Variants in ITPK1 observed in about 807,000 individuals in gnomAD.
ITPK1 encodes inositol-tetrakisphosphate 1-kinase, also known as inositol 1,3,4-trisphosphate 5/6-kinase.
Under a neutral mutation model 45.3 loss-of-function variants are expected in ITPK1, and 21 were observed. The observed-to-expected ratio is 0.46, with a 90% CI of 0.33 to 0.67. The LOEUF (loss-of-function observed/expected upper bound fraction) is 0.67, where lower values mean the gene tolerates loss of function less well. Among genes scored for constraint, ITPK1 ranks in the 30% least tolerant of loss-of-function variants. The pLI is 0.02. For synonymous variants in ITPK1, 258 were observed against 253.6 expected (o/e 1.02, Z -0.16); for missense variants, 474 against 573.5 (o/e 0.83, Z 1.77).
rs148299070 is a variant in ITPK1, at chr14:92,970,520, C to T, written c.365-7671G>A. Among the ~76,000 whole-genome samples the T allele has an allele frequency of 6.5e-3, 997 of 152,344 alleles. 13 individuals carry two copies. The highest frequency in any genetic ancestry group is 0.023 in the African/African-American group (946 of 41,584). The stretch of plus-strand genomic sequence containing the variant: ...TCAGTCCTGCTTCCTGGGCCACTCC[C>T]GGTTCCTAGGGGCCCATATTATATG... On this transcript the variant is annotated intron_variant, in intron 5 of 10. Transcript: ENST00000267615.
chr14:92,941,945 G>A (rs780145519), intron 10 of ITPK1, 41 bp from the exon 11 acceptor site: 3 of 1,568,852 alleles, frequency 1.9e-6, no homozygotes, highest in Admixed American at 3.5e-5. Context: ...CGTGAGCCAG[G>A]GGCACGCATC....
rs1422091857 is a variant in ITPK1, at chr14:93,076,526, G to T, written c.120+69C>A. The T allele has an allele frequency of 3.9e-6, 6 of 1,542,956 alleles. No homozygotes were observed. The Admixed American group carries it at 6.7e-5, about 17-fold the overall frequency. ...CGTGCCCAATGCTGGAGGAGAGAAGGAGAGACAGAGAGGTGGGCACCAAGG... is the reference window on the plus strand; with the variant it reads ...CGTGCCCAATGCTGGAGGAGAGAAGTAGAGACAGAGAGGTGGGCACCAAGG... On this transcript the variant is annotated intron_variant, in intron 3 of 10. Coordinates refer to ENST00000267615, the MANE Select transcript of ITPK1 (RefSeq NM_014216.6). The surrounding 1 kb of genome is among the most constrained non-coding windows in gnomAD (Gnocchi z 4.3).
In ITPK1 at chr14:93,102,310, G is replaced by T. The variant is rs141156084; in HGVS notation, c.95+12759C>A. ...GCGCCCAGGTCAAGGTGATAAAAAG[G>T]GTGCTTGGGAGCTGACTGTGCAGGA... On this transcript the variant is annotated intron_variant, in intron 2 of 10. Coordinates refer to ENST00000267615, the MANE Select transcript of ITPK1 (RefSeq NM_014216.6). Among the ~76,000 whole-genome samples the T allele has an allele frequency of 7.6e-3, 1,161 of 152,372 alleles. 17 individuals are homozygous for T. The highest frequency in any genetic ancestry group is 0.026 in the African/African-American group (1,097 of 41,588).
chr14:93,028,191 A>G (rs1189316612), intron 3 of ITPK1, among the ~76,000 whole-genome samples: 1 of 152,262 alleles, frequency 6.6e-6, no homozygotes, highest in Non-Finnish European at 1.5e-5. Context: ...GTTCAAGTGT[A>G]TGATGAACAG....
intron 5 of ITPK1, among the ~76,000 whole-genome samples, chr14:92,985,834 C>T (rs1326289245): frequency 1.3e-5 from 2 of 152,146 alleles, no homozygotes; most frequent in East Asian, 3.9e-4. Context: ...GCCAGGAGAG[C>T]TCCCATCTAT....
intron 5 of ITPK1, among the ~76,000 whole-genome samples, chr14:92,980,336 C>G (rs1886161045): frequency 6.6e-6 from 1 of 152,186 alleles, no homozygotes; most frequent in Admixed American, 6.5e-5. Flanking sequence ...ATGACAGAAA[C>G]TTCTCTGAAG....
At chr14:93,048,112 A>C (rs1889858527) in intron 3 of ITPK1, among the ~76,000 whole-genome samples, 1 of 152,202 alleles carries the variant, frequency 6.6e-6, no homozygotes, top group African/African-American at 2.4e-5. Flanking sequence ...ACATTTTCTC[A>C]TAACATGGTG....
At chr14:92,944,031 C>T (rs1455624271) in intron 10 of ITPK1, among the ~76,000 whole-genome samples, 2 of 152,342 alleles carry the variant, frequency 1.3e-5, no homozygotes, top group Non-Finnish European at 2.9e-5. Flanking sequence ...GAGATTCCAG[C>T]GGCCCTTTGC....
chr14:93,097,293 G>A (rs1892117316), intron 2 of ITPK1, among the ~76,000 whole-genome samples: 1 of 152,134 alleles, frequency 6.6e-6, no homozygotes, highest in Non-Finnish European at 1.5e-5. Context: ...GCTGGCCTTG[G>A]GTCTTGTTTT....
In ITPK1 at chr14:92,958,268, G is replaced by T. The variant is rs61729872; in HGVS notation, c.603C>A (p.Phe201Leu). ...CCACGGTGTAGGACTCGCCAACCACGAACACCTTGTACAGGACGGCGTTGT... is the reference window on the plus strand; with the variant it reads ...CCACGGTGTAGGACTCGCCAACCACTAACACCTTGTACAGGACGGCGTTGT... ...INHNAVLYKV[F>L]VVGESYTVVQ... Residue 201 changes from phenylalanine (F) to leucine (L), a missense_variant, in exon 8 of 11, where the codon TTC becomes TTA. By Grantham distance (22) the Phe-to-Leu change is conservative. Transcript: ENST00000267615. This position sits in a 1 kb window ranked among gnomAD's most constrained non-coding sequence, Gnocchi z 4.4. 6.2e-7 allele frequency: 1 copy of T among 1,613,756 alleles called. No homozygotes were observed.
At chr14:93,038,522 T>G (rs4900173) in intron 3 of ITPK1, among the ~76,000 whole-genome samples, 4,173 of 152,064 alleles carry the variant, frequency 0.027, 98 homozygotes, top group Admixed American at 0.085. Flanking sequence ...TATATGTGGG[T>G]TTTTGTTTGT....
intron 2 of ITPK1, among the ~76,000 whole-genome samples, chr14:93,112,095 T>C (rs990494696): frequency 1.3e-5 from 2 of 151,840 alleles, no homozygotes; most frequent in African/African-American, 2.4e-5. Flanking sequence ...GGCTCAGCTT[T>C]GCAAGGAATG....
intron 5 of ITPK1, among the ~76,000 whole-genome samples, chr14:92,987,713 G>A (rs1394647158): frequency 6.6e-6 from 1 of 152,172 alleles, no homozygotes; most frequent in Non-Finnish European, 1.5e-5. Flanking sequence ...CCCCCCATCT[G>A]TAAAGGGGGA....
chr14:93,112,845 G>C (rs1488167382), intron 2 of ITPK1, among the ~76,000 whole-genome samples: 1 of 152,162 alleles, frequency 6.6e-6, no homozygotes, highest in Non-Finnish European at 1.5e-5. Context: ...GATTCTGAAT[G>C]TGGAAAACAT....
chr14:93,048,032 T>C (rs1373639797), intron 3 of ITPK1, among the ~76,000 whole-genome samples: 2 of 152,258 alleles, frequency 1.3e-5, no homozygotes, highest in Non-Finnish European at 2.9e-5. Context: ...CAATAAATTC[T>C]ATTTATTGAC....
At chr14:92,946,519 G>C (rs1887698760) in intron 9 of ITPK1, 26 bp from the exon 10 acceptor site, 2 of 1,608,712 alleles carry the variant, frequency 1.2e-6, no homozygotes, top group Non-Finnish European at 1.7e-6. Flanking sequence ...AGGAAGTCAG[G>C]CCATGGGCCG....
intron 2 of ITPK1, among the ~76,000 whole-genome samples, chr14:93,099,170 G>GA (rs1892208124): frequency 6.6e-6 from 1 of 152,128 alleles, no homozygotes; most frequent in Non-Finnish European, 1.5e-5. Flanking sequence ...GCTGTGGGGG[G>GA]CCAGGGTCTG....
At chr14:93,099,448 G>A (rs182214017) in intron 2 of ITPK1, among the ~76,000 whole-genome samples, 50 of 152,264 alleles carry the variant, frequency 3.3e-4, no homozygotes, top group African/African-American at 5.1e-4. Context: ...CAGCGACAGC[G>A]ACAGTGGGGC....
At chr14:92,943,623 C>T (rs372076328) in intron 10 of ITPK1, among the ~76,000 whole-genome samples, 24 of 152,358 alleles carry the variant, frequency 1.6e-4, no homozygotes, top group African/African-American at 5.5e-4. Context: ...CTCCAGCATC[C>T]CCAGACAACG....
Sources: allele counts gnomAD v4.1 joint callset (sites outside exome capture counted in the v4.1 genomes callset), GRCh38; gene constraint gnomAD v4.1.1; non-coding constraint Gnocchi (gnomAD v3.1); transcripts MANE v1.5; gene names NCBI Gene and HGNC (gene_info 2026-07-23, HGNC 2026-07-21).